ATXN10: variants seen among roughly 807,000 people sequenced by gnomAD.
ATXN10 encodes the protein ataxin-10.
Under a neutral mutation model 52.9 loss-of-function variants are expected in ATXN10, and 28 were observed. The ratio of observed to expected loss-of-function variants is 0.53; its 90% CI spans 0.39 to 0.73. The LOEUF (loss-of-function observed/expected upper bound fraction) is 0.73. Ranked by LOEUF, ATXN10 falls within the 30% of genes least tolerant of loss-of-function variation. The probability of loss-of-function intolerance (pLI) is 0.00; values close to 1 mark genes in which losing one functional copy is unlikely to be tolerated. For missense variants in ATXN10, 565 were observed against 577.0 expected (o/e 0.98, Z 0.21); for synonymous variants, 226 against 221.5 (o/e 1.02, Z -0.18).
intron 5 of ATXN10, among the ~76,000 whole-genome samples, chr22:45,709,903 C>T (rs1023076007): frequency 4.6e-5 from 7 of 152,150 alleles, no homozygotes; most frequent in Admixed American, 3.3e-4. Flanking sequence ...GAACCTGAGT[C>T]CTGATTTTCT....
chr22:45,698,576 T>C (rs899068916), intron 3 of ATXN10, among the ~76,000 whole-genome samples: 5 of 152,270 alleles, frequency 3.3e-5, no homozygotes, highest in African/African-American at 1.2e-4. Flanking sequence ...CTATTGAGTT[T>C]TCAAGTTCAT....
chr22:45,782,276 T>TA (rs1421723557), intron 9 of ATXN10, among the ~76,000 whole-genome samples: 1 of 152,204 alleles, frequency 6.6e-6, no homozygotes, highest in Non-Finnish European at 1.5e-5. Context: ...TTTTGCTAAA[T>TA]ATATTGTTTT....
rs1245919528 is a variant in ATXN10 at position 45,805,232 on chromosome 22, G to T, written c.1174-1727G>T. On this transcript the variant is annotated intron_variant, in intron 9 of 11. Transcript: ENST00000252934. This position sits in a 1 kb window ranked among gnomAD's most constrained non-coding sequence, Gnocchi z 4.4. ...CAAGTGTTTATGAGATTGTGGAGAT[G>T]CTGGAACCCTCATAAATTGCTGGGT... Among the ~76,000 whole-genome samples the T allele has an allele frequency of 2.0e-5, 3 of 152,184 alleles. No homozygotes were observed. Among genetic ancestry groups the T allele is most frequent in the Non-Finnish European group, 4.4e-5 (3 of 68,032 alleles).
chr22:45,754,606 A>G lies in ATXN10; in HGVS notation c.1173+14068A>G, dbSNP rs1441524502. Among the ~76,000 whole-genome samples, 2 of 152,158 alleles carry G rather than the reference A, an allele frequency of 1.3e-5. No homozygotes were observed. The highest frequency in any genetic ancestry group is 6.5e-5 in the Admixed American group (1 of 15,282). The stretch of plus-strand genomic sequence containing the variant: ...AGTCCCGCAAGCCTGTAATCCCAGC[A>G]CTTTGGGAGGCCGAGGCCAGCGGAT... On this transcript the variant is annotated intron_variant, in intron 9 of 11. Coordinates refer to ENST00000252934, the MANE Select transcript of ATXN10 (RefSeq NM_013236.4). This position sits in a 1 kb window ranked among gnomAD's most constrained non-coding sequence, Gnocchi z 5.4.
In ATXN10 at chr22:45,786,623, CA is replaced by C. The variant is rs1927332715; in HGVS notation, c.1174-20332del. Among the ~76,000 whole-genome samples, 1 of 152,150 alleles carries C rather than the reference CA, an allele frequency of 6.6e-6. No homozygotes were observed. Among genetic ancestry groups the C allele is most frequent in the South Asian group, 2.1e-4 (1 of 4,822 alleles). ...CTGCGGGCACATCTCAGCTGGTCAG[CA>C]AAACTTGTACTATTAAATGCCTTTA... On this transcript the variant is annotated intron_variant, in intron 9 of 11. Transcript: ENST00000252934. This position sits in a 1 kb window ranked among gnomAD's most constrained non-coding sequence, Gnocchi z 4.1.
rs1185839256 is a variant in ATXN10, at chr22:45,824,568, C to A, written c.1237+17546C>A. Among the ~76,000 whole-genome samples the A allele has an allele frequency of 2.0e-5, 3 of 152,156 alleles. No individual in the cohort carries two copies. Among genetic ancestry groups the A allele is most frequent in the East Asian group, 1.9e-4 (1 of 5,196 alleles). On this transcript the variant is annotated intron_variant, in intron 10 of 11. Coordinates refer to ENST00000252934, the MANE Select transcript of ATXN10 (RefSeq NM_013236.4). The surrounding 1 kb of genome is among the most constrained non-coding windows in gnomAD (Gnocchi z 5.2). ...AATTGGTAAAGGGAAAATGAGGAAA[C>A]TCTAAGAATCGTGTCATATTTAATG...
At chr22:45,674,125 G>A (rs1213215783) in intron 1 of ATXN10, 1 of 152,116 alleles carries the variant, frequency 6.6e-6, no homozygotes, top group Non-Finnish European at 1.5e-5. Context: ...CTAGAGACAG[G>A]GGGGACCTTT....
chr22:45,773,551 C>T (rs1440976455), intron 9 of ATXN10, among the ~76,000 whole-genome samples: 2 of 152,062 alleles, frequency 1.3e-5, no homozygotes, highest in Non-Finnish European at 2.9e-5. Context: ...CTCCACCTCC[C>T]AGGTTCAAGC....
intron 9 of ATXN10, among the ~76,000 whole-genome samples, chr22:45,801,003 G>A (rs1290616649): frequency 6.6e-6 from 1 of 152,182 alleles, no homozygotes; most frequent in Admixed American, 6.5e-5. Flanking sequence ...GGCAGTTTCT[G>A]TAAATTATAC....
In ATXN10 at chr22:45,749,317, A is replaced by T. The variant is rs138726022; in HGVS notation, c.1173+8779A>T. Among the ~76,000 whole-genome samples, 60 of 152,244 alleles carry T rather than the reference A, an allele frequency of 3.9e-4. No homozygotes were observed. The East Asian group carries it at 0.011, about 27-fold the overall frequency. On this transcript the variant is annotated intron_variant, in intron 9 of 11. Coordinates refer to ENST00000252934, the MANE Select transcript of ATXN10 (RefSeq NM_013236.4). ...AAGCGTAGAGTAGTTACTTGCTTGG[A>T]GCGATAGCAGGCCAAATTCTGACTC...
chr22:45,726,210 A>G lies in ATXN10; in HGVS notation c.729-3215A>G, dbSNP rs1172702405. Among the ~76,000 whole-genome samples the G allele has an allele frequency of 3.9e-5, 6 of 151,996 alleles. No individual in the cohort carries two copies. In the South Asian group the frequency reaches 8.3e-4, roughly 21 times the overall value. ...GTTAGGTAGGATTCTCTCTTTCTCA[A>G]CCTTTTGGAATAGTTTCAGTATGAT... On this transcript the variant is annotated intron_variant, in intron 6 of 11. Coordinates refer to ENST00000252934, the MANE Select transcript of ATXN10 (RefSeq NM_013236.4).
intron 10 of ATXN10, among the ~76,000 whole-genome samples, chr22:45,815,653 G>C (rs1928434219): frequency 7.2e-6 from 1 of 139,586 alleles, no homozygotes; most frequent in Non-Finnish European, 1.5e-5. Context: ...CCTCTTTGTT[G>C]GAAAAAATTG....
chr22:45,777,204 A>G (rs1382352457), intron 9 of ATXN10, among the ~76,000 whole-genome samples: 1 of 152,122 alleles, frequency 6.6e-6, no homozygotes, highest in Admixed American at 6.5e-5. Flanking sequence ...TACACACTGA[A>G]TAGCCTATAA....
intron 9 of ATXN10, among the ~76,000 whole-genome samples, chr22:45,767,077 T>G (rs935781240): frequency 2.0e-5 from 3 of 152,214 alleles, no homozygotes; most frequent in South Asian, 2.1e-4. Flanking sequence ...TCTGGTAAAA[T>G]TCATATGCAT....
At chr22:45,699,962 C>T (rs9614505) in intron 3 of ATXN10, among the ~76,000 whole-genome samples, 8,097 of 151,458 alleles carry the variant, frequency 0.053, 247 homozygotes, top group African/African-American at 0.079. Context: ...TTCTCATGCC[C>T]CAGCCTCCCA....
chr22:45,700,780 A>C (rs913203544), intron 4 of ATXN10, among the ~76,000 whole-genome samples: 2 of 152,226 alleles, frequency 1.3e-5, no homozygotes, highest in African/African-American at 4.8e-5. Context: ...TGGGCAATGA[A>C]TTAAAATTGT....
In ATXN10 at chr22:45,775,129, G is replaced by A. The variant is rs990119481; in HGVS notation, c.1174-31830G>A. 6.6e-6 allele frequency among the ~76,000 whole-genome samples: 1 copy of A among 152,108 alleles called. No homozygotes were observed. The highest frequency in any genetic ancestry group is 1.5e-5 in the Non-Finnish European group (1 of 68,002). On this transcript the variant is annotated intron_variant, in intron 9 of 11. Coordinates refer to ENST00000252934, the MANE Select transcript of ATXN10 (RefSeq NM_013236.4). The surrounding 1 kb of genome is among the most constrained non-coding windows in gnomAD (Gnocchi z 4.7). ...TTCTAGAGGTGGGAATTTTGGTCTG[G>A]GGCCTTCTTTGAGAAACACTGGCCC...
intron 10 of ATXN10, among the ~76,000 whole-genome samples, chr22:45,838,893 A>T (rs1929255460): frequency 6.6e-6 from 1 of 152,254 alleles, no homozygotes; most frequent in Admixed American, 6.5e-5. Flanking sequence ...TTCTCACTGG[A>T]AATAGGAACA....
At chr22:45,714,279 CTT>C (rs1400814186) in intron 5 of ATXN10, among the ~76,000 whole-genome samples, 10 of 151,858 alleles carry the variant, frequency 6.6e-5, no homozygotes, top group African/African-American at 2.4e-4. Context: ...GGGTATTGAT[CTT>C]TATCAGTGTA....
Sources: allele counts gnomAD v4.1 joint callset (sites outside exome capture counted in the v4.1 genomes callset), GRCh38; gene constraint gnomAD v4.1.1; non-coding constraint Gnocchi (gnomAD v3.1); transcripts MANE v1.5; gene names NCBI Gene and HGNC (gene_info 2026-07-23, HGNC 2026-07-21).